The following PRDM13 variants were observed in gnomAD, a reference collection of about 807,000 sequenced individuals.
The protein encoded by PRDM13 is PR domain zinc finger protein 13.
In PRDM13, 15 loss-of-function variants were observed where a neutral mutation model predicts 36.4. That is an observed-to-expected ratio of 0.41 (90% confidence interval 0.28 to 0.64). PRDM13 has a LOEUF of 0.64. PRDM13 is among the 30% of genes least tolerant of loss of function. PRDM13 has a pLI of 0.29. For missense variants in PRDM13, 1,044 were observed against 1,013.5 expected (o/e 1.03, Z -0.41); for synonymous variants, 531 against 467.7 (o/e 1.14, Z -1.75).
chr6:99,614,504 C>A lies in PRDM13; in HGVS notation c.1869C>A (p.His623Gln), dbSNP rs375460946. Residue 623 changes from histidine (H) to glutamine (Q), a missense_variant, in exon 4 of 4, where the codon CAC becomes CAA. By Grantham distance (24) the His-to-Gln change is conservative. Coordinates refer to ENST00000369215, the MANE Select transcript of PRDM13 (RefSeq NM_021620.4). Reference protein sequence around the residue: ...PSNLNKHIRLHAEGNTPYRCE... With the variant: ...PSNLNKHIRLQAEGNTPYRCE... ...ATCTCAACAAGCACATCCGGCTGCA[C>A]GCCGAGGGCAATACGCCCTACCGCT... is the stretch of plus-strand genomic sequence containing the variant. 1.2e-6 allele frequency: 2 copies of A among 1,613,310 alleles called. No homozygotes were observed. The highest frequency in any genetic ancestry group is 1.1e-5 in the South Asian group (1 of 91,092).
intron 1 of PRDM13, among the ~76,000 whole-genome samples, chr6:99,607,481 A>G (rs915568947): frequency 6.6e-6 from 1 of 152,132 alleles, no homozygotes; most frequent in Non-Finnish European, 1.5e-5. Context: ...GGGTCTCCTC[A>G]GTCAGAAGCC....
chr6:99,613,218 C>T lies in PRDM13; in HGVS notation c.583C>T (p.Pro195Ser), dbSNP rs1562508662. 15 of 1,611,928 alleles carry T rather than the reference C, an allele frequency of 9.3e-6. No individual in the cohort carries two copies. The highest frequency in any genetic ancestry group is 1.3e-5 in the Non-Finnish European group (15 of 1,179,684). ...TGGCCTCGGTCTCTCCCCAAAACCCCCGGCGCCCGATTTCGCCGCGCCTTC... is the reference window on the plus strand; with the variant it reads ...TGGCCTCGGTCTCTCCCCAAAACCCTCGGCGCCCGATTTCGCCGCGCCTTC... ...ADGLGLSPKP[P>S]APDFAAPSQA... is the part of the protein sequence containing the mutation. The change falls in exon 4 of 4, where the codon CCG becomes TCG. Residue 195 changes from proline (P) to serine (S), a missense_variant. Pro to Ser is a moderately conservative substitution (Grantham distance 74). Transcript: ENST00000369215. This position sits in a 1 kb window ranked among gnomAD's most constrained non-coding sequence, Gnocchi z 6.1.
At position 99,613,925 on chromosome 6, in the gene PRDM13, C is replaced by T; in HGVS notation, c.1290C>T (p.Pro430=). The T allele has an allele frequency of 1.3e-6, 2 of 1,586,908 alleles. No homozygotes were observed. The highest frequency in any genetic ancestry group is 1.1e-5 in the South Asian group (1 of 88,594). ...AGCTGCCCCCTGCGCCGGGGTTGCC[C>T]CTCGAGCGCTGCGCGCTGCCGCCCC... ...YAQLPPAPGL[P]LERCALPPLD... Residue 430 remains proline, a synonymous_variant, in exon 4 of 4, where the codon CCC becomes CCT. Coordinates refer to ENST00000369215, the MANE Select transcript of PRDM13 (RefSeq NM_021620.4). The surrounding 1 kb of genome is among the most constrained non-coding windows in gnomAD (Gnocchi z 6.1).
rs575605308 is a variant in PRDM13 at position 99,611,139 on chromosome 6, G to A, written c.397+1832G>A. Among the ~76,000 whole-genome samples, 5 of 152,128 alleles carry A rather than the reference G, an allele frequency of 3.3e-5. No homozygotes were observed. In the South Asian group the frequency reaches 6.2e-4, roughly 19 times the overall value. On this transcript the variant is annotated intron_variant, in intron 3 of 3. Coordinates refer to ENST00000369215, the MANE Select transcript of PRDM13 (RefSeq NM_021620.4). ...AACTGAAAAAAAGTATATATTAAAC[G>A]TATGCTGCTTAAAGCTTGGAAAGAG...
Position 99,607,042 on chromosome 6 carries a change from G to A in PRDM13, c.8G>A (p.Gly3Glu). Residue 3 changes from glycine to glutamate, a missense_variant, in exon 1 of 4, where the codon GGA (glycine) becomes GAA (glutamate). Transcript: ENST00000369215. MH[G>E]AARAPATSVS... is the part of the protein sequence containing the mutation. Reference sequence around the variant, plus strand: ...CTGGTGGCGGCGGCAACAATGCACGGAGCCGCCAGAGCGCCAGCCACCAGC... The same window carrying A: ...CTGGTGGCGGCGGCAACAATGCACGAAGCCGCCAGAGCGCCAGCCACCAGC... 6.2e-7 allele frequency: 1 copy of A among 1,610,392 alleles called. No individual in the cohort carries two copies. Among genetic ancestry groups the A allele is most frequent in the Non-Finnish European group, 8.5e-7 (1 of 1,178,542 alleles).
Position 99,609,172 on chromosome 6 carries a change from T to C in PRDM13, c.277-15T>C. The C allele has an allele frequency of 6.2e-7, 1 of 1,613,262 alleles. No homozygotes were observed. Among genetic ancestry groups the C allele is most frequent in the Non-Finnish European group, 8.5e-7 (1 of 1,179,452 alleles). ...CAGGAAATGACATTGAACTGTTCTATTCCTTGCGTCCCAGATCTTCTACCG... is the reference window on the plus strand; with the variant it reads ...CAGGAAATGACATTGAACTGTTCTACTCCTTGCGTCCCAGATCTTCTACCG... On this transcript the variant is annotated splice_polypyrimidine_tract_variant and intron_variant, in intron 2 of 3. Coordinates refer to ENST00000369215, the MANE Select transcript of PRDM13 (RefSeq NM_021620.4).
At chr6:99,608,694 G>A in intron 1 of PRDM13, 47 bp from the exon 2 acceptor site, 1 of 1,556,000 alleles carries the variant, frequency 6.4e-7, no homozygotes, top group Non-Finnish European at 8.7e-7. Context: ...TTTGGGTTGT[G>A]GGCCTGGCCA....
intron 2 of PRDM13, 52 bp from the exon 3 acceptor site, chr6:99,609,135 T>G: frequency 1.2e-6 from 2 of 1,600,806 alleles, no homozygotes; most frequent in Non-Finnish European, 1.7e-6. Flanking sequence ...AGTTGCTTTT[T>G]GACCGATTAC....
In PRDM13 at chr6:99,607,142, C is replaced by T. The variant is rs769849205; in HGVS notation, c.108C>T (p.Tyr36=). 2 of 1,613,822 alleles carry T rather than the reference C, an allele frequency of 1.2e-6. No homozygotes were observed. Among genetic ancestry groups the T allele is most frequent in the Non-Finnish European group, 1.7e-6 (2 of 1,180,016 alleles). The stretch of plus-strand genomic sequence containing the variant: ...CTGGTACCTTCAAGCTGGGCAAGTA[C>T]CTGTCAGACCGCAGGGAGCCCGGGC... ...PVPGTFKLGK[Y]LSDRREPGPK... Residue 36 remains tyrosine (Y), a synonymous_variant, in exon 1 of 4, where the codon TAC becomes TAT. Coordinates refer to ENST00000369215, the MANE Select transcript of PRDM13 (RefSeq NM_021620.4).
Position 99,614,156 on chromosome 6 carries a change from A to T in PRDM13, c.1521A>T (p.Leu507=), listed in dbSNP as rs1219610564. The change falls in exon 4 of 4, where the codon CTA becomes CTT. Residue 507 remains leucine (L), a synonymous_variant. Transcript: ENST00000369215. ...SYFSGPAAAA[L]SPAELGSLAS... ...TCAGCGGGCCTGCAGCGGCCGCCCT[A>T]AGCCCCGCCGAGCTGGGGTCGCTGG... is the stretch of plus-strand genomic sequence containing the variant. The T allele has an allele frequency of 6.2e-7, 1 of 1,600,934 alleles. No homozygotes were observed. The highest frequency in any genetic ancestry group is 1.7e-5 in the Admixed American group (1 of 59,538).
Position 99,613,318 on chromosome 6 carries a change from A to T in PRDM13, c.683A>T (p.Lys228Met). ...VQACGAREGI[K>M]REASSAPSAT... ...GCCTGCGGTGCGCGGGAGGGCATCA[A>T]GCGCGAGGCCTCTTCCGCGCCCTCG... The change falls in exon 4 of 4, where the codon AAG becomes ATG. Residue 228 changes from lysine to methionine, a missense_variant. This residue lies in a region of PRDM13 where 921 missense variants were observed against 865.2 expected (regional missense o/e 1.06). Transcript: ENST00000369215. This position sits in a 1 kb window ranked among gnomAD's most constrained non-coding sequence, Gnocchi z 6.1. 1 of 1,561,572 alleles carries T rather than the reference A, an allele frequency of 6.4e-7. No homozygotes were observed. The highest frequency in any genetic ancestry group is 8.6e-7 in the Non-Finnish European group (1 of 1,157,082).
chr6:99,613,937 C>T lies in PRDM13; in HGVS notation c.1302C>T (p.Cys434=), dbSNP rs1770084035. The T allele has an allele frequency of 1.9e-6, 3 of 1,588,212 alleles. No homozygotes were observed. Among genetic ancestry groups the T allele is most frequent in the Non-Finnish European group, 2.6e-6 (3 of 1,171,520 alleles). ...CGCCGGGGTTGCCCCTCGAGCGCTG[C>T]GCGCTGCCGCCCCTCGACCCGGGCG... is the stretch of plus-strand genomic sequence containing the variant. ...PPAPGLPLER[C]ALPPLDPGGL... is the part of the protein sequence containing the mutation. Residue 434 remains cysteine (C), a synonymous_variant, in exon 4 of 4, where the codon TGC becomes TGT. Transcript: ENST00000369215. The surrounding 1 kb of genome is among the most constrained non-coding windows in gnomAD (Gnocchi z 6.1).
Position 99,609,298 on chromosome 6 carries a change from G to C in PRDM13, c.388G>C (p.Asp130His), listed in dbSNP as rs370915941. 6.2e-7 allele frequency: 1 copy of C among 1,613,900 alleles called. No homozygotes were observed. Among genetic ancestry groups the C allele is most frequent in the East Asian group, 2.2e-5 (1 of 44,868 alleles). Residue 130 changes from aspartate (D) to histidine (H), a missense_variant, in exon 3 of 4, where the codon GAC becomes CAC. Coordinates refer to ENST00000369215, the MANE Select transcript of PRDM13 (RefSeq NM_021620.4). ...CCCCACCACAGCGACTCCGACTCAC[G>C]ACGAGAAAGGTACCCATTCCAAAAG... is the stretch of plus-strand genomic sequence containing the variant. ...DIPTTATPTHDEKGEERYICW... is the reference protein window; with the variant it reads ...DIPTTATPTHHEKGEERYICW...
rs779723276 is a variant in PRDM13 at position 99,607,112 on chromosome 6, G to T, written c.78G>T (p.Pro26=). ...TCCCGGCCGGCTTGCGCCTCGGACC[G>T]GTGCCTGGTACCTTCAAGCTGGGCA... The part of the protein sequence containing the change: ...CCIPAGLRLG[P]VPGTFKLGKY... The change falls in exon 1 of 4, where the codon CCG becomes CCT. Residue 26 remains proline (P), a synonymous_variant. Coordinates refer to ENST00000369215, the MANE Select transcript of PRDM13 (RefSeq NM_021620.4). 1.9e-6 allele frequency: 3 copies of T among 1,613,794 alleles called. No individual in the cohort carries two copies. In the South Asian group the frequency reaches 3.3e-5, roughly 18 times the overall value.
chr6:99,613,272 CT>C lies in PRDM13; in HGVS notation c.638del (p.Leu213ArgfsTer49). On this transcript the variant is annotated frameshift_variant, in exon 4 of 4. Transcript: ENST00000369215. LOFTEE classifies it low-confidence loss of function (END_TRUNC). The surrounding 1 kb of genome is among the most constrained non-coding windows in gnomAD (Gnocchi z 6.1). ...SQAGTLRPHP[L>X]GPPPVQACGA... Reference sequence around the variant, plus strand: ...GGCAGGAACTTTGCGACCCCACCCCCTGGGCCCGCCACCAGTTCAGGCCTGC... The same window carrying C: ...GGCAGGAACTTTGCGACCCCACCCCCGGGCCCGCCACCAGTTCAGGCCTGC... 6.3e-7 allele frequency: 1 copy of C among 1,595,948 alleles called. No homozygotes were observed. The highest frequency in any genetic ancestry group is 8.5e-7 in the Non-Finnish European group (1 of 1,172,696).
At position 99,613,602 on chromosome 6, in the gene PRDM13, G is replaced by A. The variant is rs866555549; in HGVS notation, c.967G>A (p.Gly323Ser). 6.7e-7 allele frequency: 1 copy of A among 1,490,884 alleles called. No homozygotes were observed. The allele number at this position is 1,490,884 out of a possible 1,614,324, so 92.4% of individuals were successfully genotyped here. Residue 323 changes from glycine to serine, a missense_variant, in exon 4 of 4, where the codon GGC (glycine) becomes AGC (serine). Gly to Ser is a moderately conservative substitution (Grantham distance 56, BLOSUM62 0). This residue lies in a region of PRDM13 where 921 missense variants were observed against 865.2 expected (regional missense o/e 1.06). Coordinates refer to ENST00000369215, the MANE Select transcript of PRDM13 (RefSeq NM_021620.4). This position sits in a 1 kb window ranked among gnomAD's most constrained non-coding sequence, Gnocchi z 6.1. Reference sequence around the variant, plus strand: ...GGAGAGCAGCAGCAAGCAAGGAGCCGGCCTCGCTTTGGGCAGGCTGCTGGG... The same window carrying A: ...GGAGAGCAGCAGCAAGCAAGGAGCCAGCCTCGCTTTGGGCAGGCTGCTGGG... ...REESSSKQGA[G>S]LALGRLLGGG...
intron 3 of PRDM13, among the ~76,000 whole-genome samples, chr6:99,612,123 A>G (rs1770039514): frequency 6.6e-6 from 1 of 152,336 alleles, no homozygotes; most frequent in Non-Finnish European, 1.5e-5. Context: ...CTGAGTATCT[A>G]TATTTATTTA....
intron 1 of PRDM13, among the ~76,000 whole-genome samples, chr6:99,608,078 G>C (rs1242468772): frequency 2.0e-5 from 3 of 152,196 alleles, no homozygotes; most frequent in Admixed American, 1.3e-4. Flanking sequence ...CTAGTAAAAA[G>C]CTCCGGTGTC....
At position 99,614,505 on chromosome 6, in the gene PRDM13, G is replaced by A; in HGVS notation, c.1870G>A (p.Ala624Thr). Reference protein sequence around the residue: ...SNLNKHIRLHAEGNTPYRCEF... With the variant: ...SNLNKHIRLHTEGNTPYRCEF... Reference sequence around the variant, plus strand: ...TCTCAACAAGCACATCCGGCTGCACGCCGAGGGCAATACGCCCTACCGCTG... The same window carrying A: ...TCTCAACAAGCACATCCGGCTGCACACCGAGGGCAATACGCCCTACCGCTG... Residue 624 changes from alanine to threonine, a missense_variant, in exon 4 of 4, where the codon GCC becomes ACC. This residue lies in a region of PRDM13 where 8 missense variants were observed against 26.2 expected (regional missense o/e 0.31). Transcript: ENST00000369215. 1 of 1,613,300 alleles carries A rather than the reference G, an allele frequency of 6.2e-7. No individual in the cohort carries two copies. The highest frequency in any genetic ancestry group is 8.5e-7 in the Non-Finnish European group (1 of 1,179,998).
Sources: allele counts gnomAD v4.1 joint callset (sites outside exome capture counted in the v4.1 genomes callset), GRCh38; gene constraint gnomAD v4.1.1; regional missense constraint gnomAD v4.1.1; non-coding constraint Gnocchi (gnomAD v3.1); transcripts MANE v1.5; gene names NCBI Gene and HGNC (gene_info 2026-07-23, HGNC 2026-07-21).